Variants in GPC5 observed in about 807,000 individuals in gnomAD.
GPC5 encodes glypican 5, also known as glypican-5.
Under a neutral mutation model 53.9 loss-of-function variants are expected in GPC5, and 47 were observed. That is an observed-to-expected ratio of 0.87 (90% CI 0.69 to 1.11). GPC5 has a LOEUF of 1.11. GPC5 is among the 50% of genes most tolerant of loss of function. The pLI is 0.00. For missense variants in GPC5, 748 were observed against 713.1 expected (o/e 1.05, Z -0.56); for synonymous variants, 286 against 263.3 (o/e 1.09, Z -0.84).
At chr13:92,573,150 C>T (rs962710085) in intron 7 of GPC5, among the ~76,000 whole-genome samples, 4 of 152,150 alleles carry the variant, frequency 2.6e-5, no homozygotes, top group African/African-American at 4.8e-5. Context: ...CTATCTCTCC[C>T]TCAAACTTTC....
chr13:91,653,297 G>A (rs1232211015), intron 2 of GPC5, among the ~76,000 whole-genome samples: 4 of 151,992 alleles, frequency 2.6e-5, no homozygotes, highest in East Asian at 1.9e-4. Context: ...GATTATCTCC[G>A]CCCCCACAGC....
At chr13:92,243,664 TA>T (rs1245500813) in intron 7 of GPC5, among the ~76,000 whole-genome samples, 5 of 149,980 alleles carry the variant, frequency 3.3e-5, no homozygotes, top group African/African-American at 1.2e-4. Context: ...GATAGGAAAT[TA>T]AGATATATTT....
At chr13:92,547,958 G>A (rs1566287594) in intron 7 of GPC5, among the ~76,000 whole-genome samples, 1 of 150,392 alleles carries the variant, frequency 6.6e-6, no homozygotes, top group East Asian at 2.0e-4. Flanking sequence ...GCCTCCCGAG[G>A]AGCTGGGACT....
At chr13:91,869,197 T>A (rs965376537) in intron 5 of GPC5, among the ~76,000 whole-genome samples, 1 of 152,068 alleles carries the variant, frequency 6.6e-6, no homozygotes, top group South Asian at 2.1e-4. Flanking sequence ...GTAGCTGGGA[T>A]TACAGGAACC....
In GPC5 at chr13:92,662,261, C is replaced by T. The variant is rs551131843; in HGVS notation, c.1562-204021C>T. On this transcript the variant is annotated intron_variant, in intron 7 of 7. Transcript: ENST00000377067. Reference sequence around the variant, plus strand: ...CTCTTTCCCTTTATCTCACAAATGCCGACATTCATCAAGAATGATTAAATT... The same window carrying T: ...CTCTTTCCCTTTATCTCACAAATGCTGACATTCATCAAGAATGATTAAATT... Among the ~76,000 whole-genome samples, 5 of 152,146 alleles carry T rather than the reference C, an allele frequency of 3.3e-5. No individual in the cohort carries two copies. In the East Asian group the frequency reaches 5.8e-4, roughly 18 times the overall value.
intron 7 of GPC5, among the ~76,000 whole-genome samples, chr13:92,634,595 T>G (rs1450926357): frequency 6.6e-6 from 1 of 152,130 alleles, no homozygotes; most frequent in Non-Finnish European, 1.5e-5. Context: ...AACCGAAATT[T>G]TGTACACTTT....
intron 1 of GPC5, among the ~76,000 whole-genome samples, chr13:91,447,357 T>C (rs1388829496): frequency 6.6e-6 from 1 of 151,924 alleles, no homozygotes; most frequent in Non-Finnish European, 1.5e-5. Flanking sequence ...ATAATTTTAC[T>C]GTTTGAAGTA....
intron 7 of GPC5, among the ~76,000 whole-genome samples, chr13:92,781,954 C>T (rs1260225519): frequency 6.6e-6 from 1 of 151,894 alleles, no homozygotes; most frequent in Non-Finnish European, 1.5e-5. Flanking sequence ...TTAATTTCCA[C>T]ACCAATTTTC....
At chr13:92,848,629 C>T (rs765420753) in intron 7 of GPC5, among the ~76,000 whole-genome samples, 47 of 152,026 alleles carry the variant, frequency 3.1e-4, no homozygotes, top group Admixed American at 1.4e-3. Flanking sequence ...ACATATATGA[C>T]TCTCTGTGTG....
At chr13:92,093,801 T>C (rs2041399644) in intron 6 of GPC5, among the ~76,000 whole-genome samples, 2 of 152,130 alleles carry the variant, frequency 1.3e-5, no homozygotes, top group African/African-American at 4.8e-5. Context: ...TGTTAGAAAA[T>C]GAATCACTGA....
chr13:92,369,553 T>C (rs1192487853), intron 7 of GPC5, among the ~76,000 whole-genome samples: 1 of 152,206 alleles, frequency 6.6e-6, no homozygotes, highest in Non-Finnish European at 1.5e-5. Context: ...ATGCACTCAA[T>C]AAGCAAAGCC....
intron 7 of GPC5, among the ~76,000 whole-genome samples, chr13:92,266,563 T>C (rs1304721147): frequency 6.6e-6 from 1 of 152,130 alleles, no homozygotes; most frequent in Non-Finnish European, 1.5e-5. Flanking sequence ...GCCAGTCTAT[T>C]TGCTGTTACG....
intron 7 of GPC5, among the ~76,000 whole-genome samples, chr13:92,146,265 T>C (rs1277324913): frequency 6.6e-6 from 1 of 152,096 alleles, no homozygotes; most frequent in Non-Finnish European, 1.5e-5. Context: ...CTCCTTTTTT[T>C]CTTTCTTTGG....
intron 2 of GPC5, among the ~76,000 whole-genome samples, chr13:91,553,998 A>C (rs1373884731): frequency 2.6e-5 from 4 of 152,026 alleles, no homozygotes; most frequent in Admixed American, 2.6e-4. Flanking sequence ...TGGATATCTT[A>C]AATATTTATT....
intron 7 of GPC5, among the ~76,000 whole-genome samples, chr13:92,343,511 C>T (rs931625462): frequency 1.3e-5 from 2 of 151,974 alleles, no homozygotes; most frequent in Admixed American, 6.6e-5. Flanking sequence ...TATGTGAGTT[C>T]TCAAATTCTG....
chr13:92,205,750 T>C (rs1251737732), intron 7 of GPC5, among the ~76,000 whole-genome samples: 1 of 152,126 alleles, frequency 6.6e-6, no homozygotes, highest in Non-Finnish European at 1.5e-5. Flanking sequence ...GATACGTTTA[T>C]AAAACAACTA....
chr13:92,353,360 A>G (rs938124940), intron 7 of GPC5, among the ~76,000 whole-genome samples: 1 of 151,982 alleles, frequency 6.6e-6, no homozygotes, highest in Non-Finnish European at 1.5e-5. Flanking sequence ...TGAAAGAAAT[A>G]TAATGGTACA....
intron 7 of GPC5, among the ~76,000 whole-genome samples, chr13:92,519,476 A>T (rs1445128397): frequency 6.6e-6 from 1 of 152,176 alleles, no homozygotes; most frequent in Admixed American, 6.5e-5. Context: ...TAAGAAACTC[A>T]CTCAAAACCG....
At chr13:92,739,433 G>A (rs925190935) in intron 7 of GPC5, among the ~76,000 whole-genome samples, 1 of 151,988 alleles carries the variant, frequency 6.6e-6, no homozygotes, top group Admixed American at 6.6e-5. Context: ...GTAAAGAAAG[G>A]CACAGAATTG....
Sources: gnomAD v4.1 joint callset for allele counts (sites outside exome capture counted in the v4.1 genomes callset) on GRCh38, gnomAD v4.1.1 for gene constraint, MANE v1.5 for transcripts, NCBI Gene and HGNC (gene_info 2026-07-23, HGNC 2026-07-21) for gene names.